The following RUNX1T1 variants were observed in gnomAD, a reference collection of about 807,000 sequenced individuals.
RUNX1T1 encodes protein CBFA2T1.
Under a neutral mutation model 62.8 loss-of-function variants are expected in RUNX1T1, and 4 were observed. The ratio of observed to expected loss-of-function variants is 0.06; its 90% confidence interval spans 0.03 to 0.15. The LOEUF is 0.15. RUNX1T1 is among the 10% of genes least tolerant of loss of function. The pLI is 1.00. For synonymous variants in RUNX1T1, 291 were observed against 286.0 expected (o/e 1.02, Z -0.18); for missense variants, 508 against 754.3 (o/e 0.67, Z 3.82).
intron 1 of RUNX1T1, among the ~76,000 whole-genome samples, chr8:92,077,564 G>T (rs1208613600): frequency 6.6e-6 from 1 of 151,972 alleles, no homozygotes; most frequent in Non-Finnish European, 1.5e-5. Context: ...CAATGTTTCT[G>T]TACAAAGGTA....
rs1157489344 is a variant in RUNX1T1 at position 92,019,489 on chromosome 8, G to T, written c.8-2126C>A. ...GGAGGAAAAAGAAGAGGAGGAAAAA[G>T]AACAAAATAGAGAGACAAGAGCCTG... On this transcript the variant is annotated intron_variant, in intron 1 of 10. Transcript: ENST00000396218. Among the ~76,000 whole-genome samples, 4 of 152,112 alleles carry T rather than the reference G, an allele frequency of 2.6e-5. No individual in the cohort carries two copies. The South Asian group carries it at 8.3e-4, about 32-fold the overall frequency.
chr8:92,061,723 T>C (rs1490189967), intron 1 of RUNX1T1, among the ~76,000 whole-genome samples: 1 of 152,218 alleles, frequency 6.6e-6, no homozygotes, highest in Non-Finnish European at 1.5e-5. Context: ...CTGCCTGTCC[T>C]ACCCAAATAA....
intron 1 of RUNX1T1, among the ~76,000 whole-genome samples, chr8:92,031,774 AGTTTATTTAAAGCATGACAAGGCCGGGC>A (rs1423185969): frequency 1.3e-5 from 2 of 152,036 alleles, no homozygotes; most frequent in African/African-American, 2.4e-5. Context: ...AGCAGCCTAA[AGTTTATTTAAAGCATGACAAGGCCGGGC>A]GTTTATTTAA....
chr8:91,988,129 T>C (rs1039407847), intron 6 of RUNX1T1, among the ~76,000 whole-genome samples: 1 of 152,132 alleles, frequency 6.6e-6, no homozygotes, highest in Non-Finnish European at 1.5e-5. Flanking sequence ...TAAGTGGTTA[T>C]AAATCCCTTT....
chr8:91,974,516 C>G (rs1290798969), intron 9 of RUNX1T1, among the ~76,000 whole-genome samples: 1 of 152,106 alleles, frequency 6.6e-6, no homozygotes, highest in Non-Finnish European at 1.5e-5. Context: ...CACCCTTCTT[C>G]TGTCCAAAAT....
chr8:92,051,167 A>G (rs768764698), intron 1 of RUNX1T1, among the ~76,000 whole-genome samples: 6 of 151,910 alleles, frequency 3.9e-5, no homozygotes, highest in Non-Finnish European at 7.4e-5. Context: ...ATGCCTGGAG[A>G]GGAGGGACTC....
intron 1 of RUNX1T1, among the ~76,000 whole-genome samples, chr8:92,018,605 C>A (rs1823478496): frequency 6.6e-6 from 1 of 152,070 alleles, no homozygotes; most frequent in African/African-American, 2.4e-5. Flanking sequence ...TTATAATAAC[C>A]ACAGTGAGAA....
At chr8:91,974,638 G>A (rs998435861) in intron 9 of RUNX1T1, among the ~76,000 whole-genome samples, 7 of 152,090 alleles carry the variant, frequency 4.6e-5, no homozygotes, top group Non-Finnish European at 7.4e-5. Flanking sequence ...GTGGTACTTG[G>A]CATATTTTTA....
chr8:91,971,511 A>G (rs1010857272), intron 9 of RUNX1T1, among the ~76,000 whole-genome samples: 2 of 152,224 alleles, frequency 1.3e-5, no homozygotes, highest in African/African-American at 4.8e-5. Flanking sequence ...ATAGCAATTA[A>G]GTTACTATAG....
downstream of RUNX1T1, chr8:91,956,052 C>T (rs964640502): frequency 8.7e-6 from 2 of 229,882 alleles, no homozygotes; most frequent in Non-Finnish European, 1.7e-5. Context: ...ATCTGCCATT[C>T]GGGTATGCAC....
intron 1 of RUNX1T1, chr8:92,017,632 G>A: frequency 7.6e-7 from 1 of 1,324,014 alleles, no homozygotes; most frequent in Non-Finnish European, 9.7e-7. Context: ...CCTTGGTAGT[G>A]TTATATGCAG....
intron 1 of RUNX1T1, among the ~76,000 whole-genome samples, chr8:92,094,861 T>C (rs1361097479): frequency 8.5e-5 from 13 of 152,182 alleles, no homozygotes; most frequent in Admixed American, 8.5e-4. Flanking sequence ...AAAATAAAAA[T>C]GAACTAATCA....
At chr8:92,096,531 T>A (rs1002338885) in intron 1 of RUNX1T1, among the ~76,000 whole-genome samples, 3 of 152,096 alleles carry the variant, frequency 2.0e-5, no homozygotes, top group African/African-American at 7.2e-5. Flanking sequence ...TCTGATCAGC[T>A]CCTTAATGGA....
At chr8:92,062,745 G>A (rs766148067) in exon 1 of RUNX1T1, 21 of 1,564,072 alleles carry the variant, frequency 1.3e-5, no homozygotes, top group African/African-American at 4.1e-5. Flanking sequence ...CTGACACTCC[G>A]GATTGCACTT....
At chr8:92,052,903 T>C (rs1264478135) in intron 1 of RUNX1T1, among the ~76,000 whole-genome samples, 1 of 152,192 alleles carries the variant, frequency 6.6e-6, no homozygotes, top group Non-Finnish European at 1.5e-5. Context: ...AGCAACATTC[T>C]TGTATTAGGA....
intron 1 of RUNX1T1, among the ~76,000 whole-genome samples, chr8:92,042,519 G>A (rs986181944): frequency 6.6e-6 from 1 of 152,000 alleles, no homozygotes; most frequent in African/African-American, 2.4e-5. Flanking sequence ...ATGGTGTCTT[G>A]TTATGTTGGC....
chr8:92,021,989 G>T (rs999898095), intron 1 of RUNX1T1, among the ~76,000 whole-genome samples: 6 of 150,928 alleles, frequency 4.0e-5, no homozygotes, highest in African/African-American at 1.5e-4. Flanking sequence ...ACTGCCCCGA[G>T]CAACAGCCAT....
intron 1 of RUNX1T1, among the ~76,000 whole-genome samples, chr8:92,027,420 C>T (rs546615071): frequency 2.0e-5 from 3 of 152,226 alleles, no homozygotes; most frequent in Admixed American, 2.0e-4. Flanking sequence ...GACAAGGCAG[C>T]CCAAAGGGAT....
At chr8:92,002,232 T>G (rs1819897591) in intron 5 of RUNX1T1, among the ~76,000 whole-genome samples, 1 of 152,172 alleles carries the variant, frequency 6.6e-6, no homozygotes, top group South Asian at 2.1e-4. Flanking sequence ...GGTTCTACAA[T>G]ATTCTCTCAC....
Sources: allele counts gnomAD v4.1 joint callset (sites outside exome capture counted in the v4.1 genomes callset), GRCh38; gene constraint gnomAD v4.1.1; transcripts MANE v1.5; gene names NCBI Gene and HGNC (gene_info 2026-07-23, HGNC 2026-07-21).